The following FYB1 variants were observed in gnomAD, a reference collection of about 807,000 sequenced individuals.
FYB1 encodes FYN-binding protein 1.
A neutral mutation model predicts 94.1 loss-of-function variants in FYB1; 41 were observed. The ratio of observed to expected loss-of-function variants is 0.44; its 90% confidence interval spans 0.34 to 0.57. The LOEUF (loss-of-function observed/expected upper bound fraction) is 0.57. Ranked by LOEUF, FYB1 falls within the 20% of genes least tolerant of loss-of-function variation. FYB1 has a pLI of 0.02. For missense variants in FYB1, 1,050 were observed against 976.8 expected (o/e 1.07, Z -1.00); for synonymous variants, 367 against 353.2 (o/e 1.04, Z -0.44).
chr5:39,270,502 G>C (rs1287707388), intron 1 of FYB1: 4 of 1,449,574 alleles, frequency 2.8e-6, no homozygotes, highest in Admixed American at 2.0e-5. Context: ...AACTCTGACT[G>C]TTCTATGCAG....
chr5:39,241,236 T>C (rs1246014612), intron 1 of FYB1, among the ~76,000 whole-genome samples: 1 of 152,154 alleles, frequency 6.6e-6, no homozygotes, highest in African/African-American at 2.4e-5. Flanking sequence ...ACCTGGGTGA[T>C]GAAATAATCT....
intron 2 of FYB1, among the ~76,000 whole-genome samples, chr5:39,163,244 A>G (rs975523469): frequency 2.6e-5 from 4 of 152,242 alleles, no homozygotes; most frequent in African/African-American, 7.2e-5. Flanking sequence ...AAACCAATTT[A>G]GTTGAAAACA....
chr5:39,227,475 A>C (rs1750530044), intron 1 of FYB1, among the ~76,000 whole-genome samples: 1 of 140,092 alleles, frequency 7.1e-6, no homozygotes. Context: ...GAAATAATTT[A>C]TATACACACA....
At chr5:39,215,760 C>T (rs1449032118) in intron 1 of FYB1, among the ~76,000 whole-genome samples, 5 of 152,160 alleles carry the variant, frequency 3.3e-5, no homozygotes, top group African/African-American at 1.2e-4. Context: ...GATTGGAATG[C>T]AGATGTTGGT....
At chr5:39,182,367 C>T (rs569343035) in intron 2 of FYB1, among the ~76,000 whole-genome samples, 1 of 148,644 alleles carries the variant, frequency 6.7e-6, no homozygotes, top group Admixed American at 6.7e-5. Flanking sequence ...GTATCATGTA[C>T]CGGTGCTATT....
rs563998913 is a variant in FYB1, at chr5:39,165,167, G to C, written c.1136-11563C>G. ...TAAAATTCATATGGAAGCAAAAAGA[G>C]CCCTGAGTAGACAAAGCAATCCTAA... is the stretch of plus-strand genomic sequence containing the variant. On this transcript the variant is annotated intron_variant, in intron 2 of 18. Coordinates refer to ENST00000512982, the MANE Select transcript of FYB1 (RefSeq NM_001465.6). Among the ~76,000 whole-genome samples the C allele has an allele frequency of 8.5e-5, 13 of 152,298 alleles. 1 individual carries two copies. The South Asian group carries it at 2.5e-3, about 29-fold the overall frequency.
chr5:39,263,055 T>A (rs983702519), intron 1 of FYB1, among the ~76,000 whole-genome samples: 1 of 152,148 alleles, frequency 6.6e-6, no homozygotes, highest in African/African-American at 2.4e-5. Context: ...TAATTGTAGG[T>A]TGTGAGTATA....
intron 1 of FYB1, among the ~76,000 whole-genome samples, chr5:39,206,597 C>A (rs533227497): frequency 1.3e-5 from 2 of 152,054 alleles, no homozygotes; most frequent in African/African-American, 4.8e-5. Flanking sequence ...TTCCCCAGTT[C>A]TAGGCTACGC....
intron 1 of FYB1, chr5:39,208,985 C>T (rs1194293577): frequency 6.6e-6 from 1 of 152,072 alleles, no homozygotes; most frequent in East Asian, 1.9e-4. Context: ...GAAAATAACA[C>T]ATATGACCCC....
chr5:39,193,018 GC>G (rs143594155), intron 2 of FYB1, among the ~76,000 whole-genome samples: 11,898 of 152,230 alleles, frequency 0.078, 680 homozygotes, highest in Non-Finnish European at 0.11. Context: ...GGCCCTCAAG[GC>G]ATTTGCAGGT....
intron 1 of FYB1, among the ~76,000 whole-genome samples, chr5:39,267,419 T>C (rs548384998): frequency 3.9e-5 from 6 of 151,976 alleles, no homozygotes; most frequent in Non-Finnish European, 5.9e-5. Flanking sequence ...ATCACCATCA[T>C]TGGATGAGGA....
At chr5:39,270,649 T>C in intron 1 of FYB1, 2 of 1,416,880 alleles carry the variant, frequency 1.4e-6, no homozygotes, top group Non-Finnish European at 1.9e-6. Flanking sequence ...ATGTGCAAGT[T>C]AGCTATGCAG....
In FYB1 at chr5:39,267,497, G is replaced by A. The variant is rs76152263; in HGVS notation, c.-28+6906C>T. On this transcript the variant is annotated intron_variant, in intron 1 of 1. Coordinates refer to the FYB1 transcript ENST00000510188. ...AGCAAAACAAGTCAACAAGAAGCCAGGGATATAGCCTGTTGACTGTATCTG... is the reference window on the plus strand; with the variant it reads ...AGCAAAACAAGTCAACAAGAAGCCAAGGATATAGCCTGTTGACTGTATCTG... Among the ~76,000 whole-genome samples the A allele has an allele frequency of 8.8e-3, 1,344 of 152,206 alleles. 25 individuals carry two copies. Among genetic ancestry groups the A allele is most frequent in the African/African-American group, 0.031 (1,274 of 41,520 alleles).
At chr5:39,154,296 C>G (rs16901787) in intron 2 of FYB1, among the ~76,000 whole-genome samples, 90,316 of 151,960 alleles carry the variant, frequency 0.59, 29,444 homozygotes, top group South Asian at 0.73. Flanking sequence ...TCCTCTCACT[C>G]AATCCTCCAT....
chr5:39,190,129 G>GA (rs1747227611), intron 2 of FYB1, among the ~76,000 whole-genome samples: 1 of 152,156 alleles, frequency 6.6e-6, no homozygotes, highest in South Asian at 2.1e-4. Flanking sequence ...TAATGTTGAT[G>GA]CTTGTAATTC....
At chr5:39,270,507 A>C in intron 1 of FYB1, 1 of 1,478,854 alleles carries the variant, frequency 6.8e-7, no homozygotes, top group East Asian at 2.5e-5. Context: ...TGACTGTTCT[A>C]TGCAGAGAAG....
chr5:39,147,182 T>A (rs1742731557), intron 3 of FYB1, among the ~76,000 whole-genome samples: 1 of 152,220 alleles, frequency 6.6e-6, no homozygotes, highest in Admixed American at 6.5e-5. Flanking sequence ...ATAGGAAAAG[T>A]AAAGTTAATG....
intron 4 of FYB1, 106 bp downstream of exon 4, chr5:39,140,989 G>C: frequency 1.3e-6 from 1 of 754,006 alleles, no homozygotes; most frequent in South Asian, 1.6e-5. Context: ...GCCTTGCACA[G>C]ACCAGTGATG....
At chr5:39,266,512 C>T (rs1227669953) in intron 1 of FYB1, among the ~76,000 whole-genome samples, 1 of 152,198 alleles carries the variant, frequency 6.6e-6, no homozygotes, top group Non-Finnish European at 1.5e-5. Flanking sequence ...TCCACAGTTT[C>T]CTTACCAATA....
Sources: gnomAD v4.1 joint callset for allele counts (sites outside exome capture counted in the v4.1 genomes callset) on GRCh38, gnomAD v4.1.1 for gene constraint, MANE v1.5 for transcripts, NCBI Gene and HGNC (gene_info 2026-07-23, HGNC 2026-07-21) for gene names.